Variants in CSF1R observed in about 807,000 individuals in gnomAD.
CSF1R encodes the protein colony stimulating factor 1 receptor.
A neutral mutation model predicts 110.0 loss-of-function variants in CSF1R; 40 were observed. The observed-to-expected ratio is 0.36, with a 90% CI of 0.28 to 0.47. CSF1R has a LOEUF of 0.47. Ranked by LOEUF, CSF1R falls within the 20% of genes least tolerant of loss-of-function variation. The pLI is 0.99. For synonymous variants in CSF1R, 523 were observed against 503.4 expected (o/e 1.04, Z -0.52); for missense variants, 1,052 against 1,253.0 (o/e 0.84, Z 2.42).
intron 3 of CSF1R, 119 bp from the exon 4 acceptor site, chr5:150,078,367 C>T (rs1758375134): frequency 3.0e-6 from 4 of 1,321,336 alleles, no homozygotes; most frequent in East Asian, 5.0e-5. Flanking sequence ...TGCCCCATCC[C>T]AAATCCTGGG....
intron 10 of CSF1R, among the ~76,000 whole-genome samples, chr5:150,062,964 C>T (rs1359418584): frequency 1.3e-5 from 2 of 151,850 alleles, no homozygotes; most frequent in African/African-American, 2.4e-5. Context: ...AAGTGGGGGG[C>T]AGATTCCAGA....
intron 5 of CSF1R, among the ~76,000 whole-genome samples, chr5:150,073,925 G>T (rs1758140603): frequency 1.3e-5 from 2 of 152,190 alleles, no homozygotes; most frequent in African/African-American, 4.8e-5. Context: ...TGGAGTAGGT[G>T]TGTAACCCAG....
At position 150,053,882 on chromosome 5, in the gene CSF1R, C is replaced by T. The variant is rs1757046372; in HGVS notation, c.*187G>A. The T allele has an allele frequency of 1.6e-6, 1 of 635,554 alleles. No individual in the cohort carries two copies. The highest frequency in any genetic ancestry group is 1.8e-5 in the African/African-American group (1 of 54,938). 39.4% of individuals were successfully genotyped at this position (635,554 alleles called of 1,614,324 possible). A position where few individuals can be genotyped will look rare whatever the true frequency, so the allele number is the denominator to read the frequency against. ...CCCAGCCCCTGACTGGCAGTGATGG[C>T]CCATGCTCAGGAAGTGGGATCCTCT... On this transcript the variant is annotated 3_prime_UTR_variant, in exon 21 of 21. Coordinates refer to ENST00000675795, the MANE Select transcript of CSF1R (RefSeq NM_001288705.3).
At chr5:150,105,347 C>CAAAA (rs780403646) in intron 1 of CSF1R, among the ~76,000 whole-genome samples, 168 of 76,518 alleles carry the variant, frequency 2.2e-3, no homozygotes, top group African/African-American at 9.7e-3. Flanking sequence ...GACTCTGTCT[C>CAAAA]AAAAAAAAAA....
Position 150,061,343 on chromosome 5 carries a change from C to T in CSF1R, c.1858+148G>A. On this transcript the variant is annotated intron_variant, in intron 12 of 20. Transcript: ENST00000675795. The stretch of plus-strand genomic sequence containing the variant: ...GGAGTCAGAGGGTGCCTGGAGCTCA[C>T]AAGAAAACCCAAGTCCTCACCCCTG... The T allele has an allele frequency of 4.3e-6, 3 of 699,312 alleles. No homozygotes were observed. The South Asian group carries it at 5.9e-5, about 14-fold the overall frequency. The allele number at this position is 699,312 out of a possible 1,614,324, so 43.3% of individuals were successfully genotyped here. A position where few individuals can be genotyped will look rare whatever the true frequency, so the allele number is the denominator to read the frequency against.
At chr5:150,063,956 C>G (rs1467389262) in intron 10 of CSF1R, among the ~76,000 whole-genome samples, 1 of 152,188 alleles carries the variant, frequency 6.6e-6, no homozygotes, top group Non-Finnish European at 1.5e-5. Flanking sequence ...TGGCCTTTAG[C>G]TGCAAGTCCT....
At chr5:150,106,267 A>G (rs1029854575) in intron 1 of CSF1R, among the ~76,000 whole-genome samples, 1 of 152,206 alleles carries the variant, frequency 6.6e-6, no homozygotes, top group Non-Finnish European at 1.5e-5. Flanking sequence ...AGGAGTTTGC[A>G]TGACAGCCCA....
chr5:150,083,665 T>C (rs1008564725), intron 1 of CSF1R, among the ~76,000 whole-genome samples: 5 of 151,582 alleles, frequency 3.3e-5, no homozygotes, highest in African/African-American at 1.2e-4. Flanking sequence ...AAATAAAAAC[T>C]TGGGACCCTA....
chr5:150,089,425 A>G (rs1758964787), upstream of CSF1R, among the ~76,000 whole-genome samples: 1 of 152,250 alleles, frequency 6.6e-6, no homozygotes, highest in African/African-American at 2.4e-5. Flanking sequence ...TAATACTCCA[A>G]TAAGGAAATT....
At position 150,069,983 on chromosome 5, in the gene CSF1R, G is replaced by T; in HGVS notation, c.1400C>A (p.Thr467Lys). ...CTCAACAGTCAGCAGGCTCTGCACC[G>T]TCACCTTGTGGAAGGGCTCCTGGCT... is the stretch of plus-strand genomic sequence containing the variant. Reference protein sequence around the residue: ...VLSQEPFHKVTVQSLLTVETL... With the variant: ...VLSQEPFHKVKVQSLLTVETL... Residue 467 changes from threonine (T) to lysine (K), a missense_variant, in exon 9 of 21, where the codon ACG becomes AAG. This residue lies in a region of CSF1R where 693 missense variants were observed against 735.4 expected (regional missense o/e 0.94). Transcript: ENST00000675795. The T allele has an allele frequency of 1.2e-6, 2 of 1,614,134 alleles. No individual in the cohort carries two copies. Among genetic ancestry groups the T allele is most frequent in the Non-Finnish European group, 1.7e-6 (2 of 1,179,992 alleles).
Position 150,077,058 on chromosome 5 carries a change from C to G in CSF1R, c.889+218G>C, listed in dbSNP as rs538024793. 7.9e-6 allele frequency: 5 copies of G among 632,958 alleles called. No individual in the cohort carries two copies. In the African/African-American group the frequency reaches 9.1e-5, roughly 11 times the overall value. The allele number at this position is 632,958 out of a possible 1,614,324, so 39.2% of individuals were successfully genotyped here. On this transcript the variant is annotated intron_variant, in intron 5 of 20. Transcript: ENST00000675795. ...GGCACTAAGGTGCACCCAATGCAGCCATGCACTGTAAGAGCTCCAAGATGG... is the reference window on the plus strand; with the variant it reads ...GGCACTAAGGTGCACCCAATGCAGCGATGCACTGTAAGAGCTCCAAGATGG...
chr5:150,059,713 T>G lies in CSF1R; in HGVS notation c.2119A>C (p.Lys707Gln), dbSNP rs765259030. The change falls in exon 14 of 21, where the codon AAA becomes CAA. Residue 707 changes from lysine (K) to glutamine (Q), a missense_variant. This residue lies in a region of CSF1R where 124 missense variants were observed against 117.7 expected (regional missense o/e 1.05). Coordinates refer to ENST00000675795, the MANE Select transcript of CSF1R (RefSeq NM_001288705.3). Reference sequence around the variant, plus strand: ...GCCAGGGGCTACCTGCGGACATATTTCTTCTCGAGGTGGATGTTCTTATAG... The same window carrying G: ...GCCAGGGGCTACCTGCGGACATATTGCTTCTCGAGGTGGATGTTCTTATAG... ...VDYKNIHLEKKYVRRDSGFSS... is the reference protein window; with the variant it reads ...VDYKNIHLEKQYVRRDSGFSS... 1.2e-5 allele frequency: 20 copies of G among 1,613,810 alleles called. No homozygotes were observed. The highest frequency in any genetic ancestry group is 7.6e-6 in the Non-Finnish European group (9 of 1,179,828).
chr5:150,082,236 G>A (rs554028821), intron 1 of CSF1R, among the ~76,000 whole-genome samples: 1 of 152,226 alleles, frequency 6.6e-6, no homozygotes, highest in African/African-American at 2.4e-5. Context: ...CACAATGACA[G>A]GCCAGCCCCG....
At chr5:150,079,471 C>G (rs528434827) in intron 3 of CSF1R, among the ~76,000 whole-genome samples, 2 of 152,212 alleles carry the variant, frequency 1.3e-5, no homozygotes, top group Non-Finnish European at 2.9e-5. Context: ...ACCTGGCCAC[C>G]GCGAGAGCCA....
In CSF1R at chr5:150,077,325, G is replaced by A. The variant is rs1178786423; in HGVS notation, c.840C>T (p.Ala280=). 1 of 1,614,228 alleles carries A rather than the reference G, an allele frequency of 6.2e-7. No individual in the cohort carries two copies. The highest frequency in any genetic ancestry group is 2.2e-5 in the East Asian group (1 of 44,888). The part of the protein sequence containing the change: ...FQHAGNYSCV[A]SNVQGKHSTS... ...TGGAGTGCTTGCCCTGCACGTTGCT[G>A]GCCACGCAGGAGTAGTTGCCGGCAT... The change falls in exon 5 of 21, where the codon GCC becomes GCT. Residue 280 remains alanine, a synonymous_variant. Coordinates refer to ENST00000675795, the MANE Select transcript of CSF1R (RefSeq NM_001288705.3).
intron 19 of CSF1R, chr5:150,054,669 G>A: frequency 2.0e-6 from 1 of 494,960 alleles, no homozygotes; most frequent in Non-Finnish European, 3.5e-6. Flanking sequence ...TATCCTCAGG[G>A]TAACTGTAAT....
intron 1 of CSF1R, among the ~76,000 whole-genome samples, chr5:150,108,784 C>T (rs1759623798): frequency 6.6e-6 from 1 of 151,900 alleles, no homozygotes; most frequent in South Asian, 2.1e-4. Context: ...GCTGTGAAGC[C>T]CTGCAGGAGA....
chr5:150,058,240 G>T (rs1394976981), intron 14 of CSF1R: 1 of 456,278 alleles, frequency 2.2e-6, no homozygotes, highest in African/African-American at 2.0e-5. Context: ...TGGGCCTGAG[G>T]TGGTGCACTT....
Position 150,078,261 on chromosome 5 carries a change from G to C in CSF1R, c.593-13C>G, listed in dbSNP as rs903150134. ...GGCCCTGGGATGACTGAGACCGGGG[G>C]AGAGACCCCTGAACACCCAGGCTCC... On this transcript the variant is annotated splice_polypyrimidine_tract_variant and intron_variant, in intron 3 of 20. Transcript: ENST00000675795. 6 of 1,613,834 alleles carry C rather than the reference G, an allele frequency of 3.7e-6. No homozygotes were observed. Among genetic ancestry groups the C allele is most frequent in the Non-Finnish European group, 5.1e-6 (6 of 1,179,890 alleles).
Sources: allele counts gnomAD v4.1 joint callset (sites outside exome capture counted in the v4.1 genomes callset), GRCh38; gene constraint gnomAD v4.1.1; regional missense constraint gnomAD v4.1.1; transcripts MANE v1.5; gene names NCBI Gene and HGNC (gene_info 2026-07-23, HGNC 2026-07-21).